Variants in EYS observed in about 807,000 individuals in gnomAD.
The protein encoded by EYS is protein eyes shut homolog.
A neutral mutation model predicts 282.1 loss-of-function variants in EYS; 250 were observed. That is an observed-to-expected ratio of 0.89 (90% CI 0.80 to 0.98). The LOEUF is 0.98. EYS is among the 50% of genes least tolerant of loss of function. The pLI, the probability that EYS is intolerant of heterozygous loss-of-function variation, is 0.00. For synonymous variants in EYS, 1,355 were observed against 1,282.9 expected (o/e 1.06, Z -1.20); for missense variants, 4,016 against 3,709.0 (o/e 1.08, Z -2.15).
rs115389655 is a variant in EYS at position 64,794,860 on chromosome 6, C to A, written c.3443+18518G>T. Among the ~76,000 whole-genome samples the A allele has an allele frequency of 3.4e-3, 510 of 152,224 alleles. 1 individual carries two copies. The highest frequency in any genetic ancestry group is 6.2e-3 in the Non-Finnish European group (421 of 68,024). ...AAAGTCTTCTATTATACCCCACCAA[C>A]CACCCACACACAGGCACACTGCCCA... is the stretch of plus-strand genomic sequence containing the variant. On this transcript the variant is annotated intron_variant, in intron 22 of 42. Transcript: ENST00000503581.
chr6:64,913,065 TTAATA>T (rs1389460378), intron 15 of EYS, among the ~76,000 whole-genome samples: 2 of 152,036 alleles, frequency 1.3e-5, no homozygotes, highest in African/African-American at 4.8e-5. Context: ...TATGAATTAT[TTAATA>T]TAAGTTTTAC....
chr6:64,439,111 A>G, intron 27 of EYS, 51 bp downstream of exon 27: 1 of 1,041,190 alleles, frequency 9.6e-7, no homozygotes, highest in Non-Finnish European at 1.3e-6. Flanking sequence ...GAAGCACATA[A>G]TTAGAACAAC....
At chr6:64,069,273 T>C (rs1771483835) in intron 32 of EYS, among the ~76,000 whole-genome samples, 1 of 152,110 alleles carries the variant, frequency 6.6e-6, no homozygotes, top group Non-Finnish European at 1.5e-5. Flanking sequence ...TTTTTCATTT[T>C]CCATTTTGAT....
In EYS at chr6:64,917,188, G is replaced by A. The variant is rs558458648; in HGVS notation, c.2382-4445C>T. Among the ~76,000 whole-genome samples the A allele has an allele frequency of 2.0e-4, 31 of 151,726 alleles. No individual in the cohort carries two copies. The East Asian group carries it at 6.0e-3, about 30-fold the overall frequency. ...TGCTTGAACCTGGGTGGCGGAGGCT[G>A]CAGTGAGCAGAGATCGTGCCACTGC... is the stretch of plus-strand genomic sequence containing the variant. On this transcript the variant is annotated intron_variant, in intron 15 of 42. Coordinates refer to ENST00000503581, the MANE Select transcript of EYS (RefSeq NM_001142800.2).
chr6:63,975,130 T>C (rs539154614), intron 35 of EYS, among the ~76,000 whole-genome samples: 1 of 151,078 alleles, frequency 6.6e-6, no homozygotes, highest in Non-Finnish European at 1.5e-5. Context: ...AGATAAACAA[T>C]AGAAATTGTG....
At chr6:65,355,231 G>C (rs1317749351) in intron 8 of EYS, among the ~76,000 whole-genome samples, 3 of 152,036 alleles carry the variant, frequency 2.0e-5, no homozygotes, top group African/African-American at 7.2e-5. Context: ...CCTTCCCTCT[G>C]AGTCCCCAAA....
At chr6:64,461,407 A>G (rs1775741283) in intron 26 of EYS, among the ~76,000 whole-genome samples, 1 of 152,166 alleles carries the variant, frequency 6.6e-6, no homozygotes, top group Admixed American at 6.5e-5. Context: ...TGCAGGAGGA[A>G]GGTTTACAAG....
chr6:65,235,368 T>C (rs1420949308), intron 12 of EYS, among the ~76,000 whole-genome samples: 4 of 151,958 alleles, frequency 2.6e-5, no homozygotes, highest in Admixed American at 6.6e-5. Flanking sequence ...CTATGAAGAG[T>C]TGGATGTATA....
At chr6:64,108,507 CTTTT>C (rs530004392) in intron 31 of EYS, among the ~76,000 whole-genome samples, 3 of 116,840 alleles carry the variant, frequency 2.6e-5, no homozygotes, top group African/African-American at 9.7e-5. Context: ...TCCACTACTG[CTTTT>C]TTTTTTTTTT....
chr6:65,434,433 G>A (rs1481708671), intron 5 of EYS, among the ~76,000 whole-genome samples: 1 of 151,152 alleles, frequency 6.6e-6, no homozygotes. Context: ...CCATTCTCCT[G>A]CCTCAGCCTC....
At chr6:65,199,059 A>T (rs1454637958) in intron 12 of EYS, among the ~76,000 whole-genome samples, 1 of 152,114 alleles carries the variant, frequency 6.6e-6, no homozygotes, top group Non-Finnish European at 1.5e-5. Flanking sequence ...CAAATTAGAC[A>T]TCCAGTAGTC....
rs573524774 is a variant in EYS at position 64,852,176 on chromosome 6, A to T, written c.2993-29354T>A. On this transcript the variant is annotated intron_variant, in intron 19 of 42. Coordinates refer to ENST00000503581, the MANE Select transcript of EYS (RefSeq NM_001142800.2). Reference sequence around the variant, plus strand: ...TAGTACTGAGTGTCAACTTGATTGGATTGAAGGATGCAAAGTATTGATTCT... The same window carrying T: ...TAGTACTGAGTGTCAACTTGATTGGTTTGAAGGATGCAAAGTATTGATTCT... Among the ~76,000 whole-genome samples, 75 of 152,080 alleles carry T rather than the reference A, an allele frequency of 4.9e-4. 1 individual carries two copies. Among genetic ancestry groups the T allele is most frequent in the African/African-American group, 1.7e-3 (72 of 41,506 alleles).
intron 14 of EYS, among the ~76,000 whole-genome samples, chr6:64,959,796 T>C (rs1161864367): frequency 1.3e-5 from 2 of 152,082 alleles, no homozygotes; most frequent in Admixed American, 1.3e-4. Context: ...GTGTTCCTAG[T>C]GATTGGTTAA....
chr6:63,988,842 T>A (rs1424808212), intron 34 of EYS, among the ~76,000 whole-genome samples: 2 of 151,540 alleles, frequency 1.3e-5, no homozygotes, highest in Admixed American at 6.6e-5. Context: ...TCCTTTAGAG[T>A]TTCTCTTTAA....
intron 2 of EYS, among the ~76,000 whole-genome samples, chr6:65,520,773 C>G (rs2127298463): frequency 6.6e-6 from 1 of 151,990 alleles, no homozygotes; most frequent in South Asian, 2.1e-4. Context: ...TAAGCAAGAC[C>G]AGTGTCATTG....
chr6:63,884,906 G>A lies in EYS; in HGVS notation c.7056-20548C>T, dbSNP rs112800712. Among the ~76,000 whole-genome samples the A allele has an allele frequency of 4.4e-3, 662 of 151,864 alleles. 1 individual carries two copies. The highest frequency in any genetic ancestry group is 7.6e-3 in the Admixed American group (115 of 15,224). Reference sequence around the variant, plus strand: ...AATTGGAAACACTTTATCAGCTGTCGTAGAAATAATACGCTATCTTAATCT... The same window carrying A: ...AATTGGAAACACTTTATCAGCTGTCATAGAAATAATACGCTATCTTAATCT... On this transcript the variant is annotated intron_variant, in intron 35 of 42. Coordinates refer to ENST00000503581, the MANE Select transcript of EYS (RefSeq NM_001142800.2).
intron 12 of EYS, among the ~76,000 whole-genome samples, chr6:65,260,664 A>T (rs1334912768): frequency 6.6e-6 from 1 of 152,048 alleles, no homozygotes; most frequent in Non-Finnish European, 1.5e-5. Flanking sequence ...TGTGAAATAC[A>T]CGTTTAAGAT....
chr6:64,088,358 T>C (rs954921447), intron 31 of EYS, among the ~76,000 whole-genome samples: 10 of 152,076 alleles, frequency 6.6e-5, no homozygotes, highest in African/African-American at 2.4e-4. Flanking sequence ...TAGTATTGAA[T>C]TACTGGGTAC....
Position 64,274,103 on chromosome 6 carries a change from C to T in EYS, c.6191+32867G>A, listed in dbSNP as rs1355973788. ...ATCCCAGCGTATAACCTTTAAGTGA[C>T]GGTCCACAGGTATTCACTTTCAGGT... On this transcript the variant is annotated intron_variant, in intron 30 of 42. Transcript: ENST00000503581. 3.9e-5 allele frequency among the ~76,000 whole-genome samples: 6 copies of T among 152,272 alleles called. 1 individual carries two copies. Among genetic ancestry groups the T allele is most frequent in the Middle Eastern group, 6.8e-3 (2 of 294 alleles).
Sources: gnomAD v4.1 joint callset for allele counts (sites outside exome capture counted in the v4.1 genomes callset) on GRCh38, gnomAD v4.1.1 for gene constraint, MANE v1.5 for transcripts, NCBI Gene and HGNC (gene_info 2026-07-23, HGNC 2026-07-21) for gene names.